Variants in RAD21L1 observed in about 807,000 individuals in gnomAD.
RAD21L1 encodes the protein double-strand-break repair protein rad21-like protein 1.
In RAD21L1, 47 loss-of-function variants were observed where a neutral mutation model predicts 69.0. The ratio of observed to expected loss-of-function variants is 0.68; its 90% CI spans 0.54 to 0.87. The LOEUF (loss-of-function observed/expected upper bound fraction) is 0.87. RAD21L1 is among the 40% of genes least tolerant of loss of function. RAD21L1 has a pLI of 0.00. For missense variants in RAD21L1, 583 were observed against 647.6 expected (o/e 0.90, Z 1.08); for synonymous variants, 177 against 205.8 (o/e 0.86, Z 1.20).
At position 1,228,586 on chromosome 20, in the gene RAD21L1, C is replaced by A. The variant is rs939074520; in HGVS notation, c.133C>A (p.Leu45Ile). ...TCTAGAGATAACCATTGAAAAAATT[C>A]TTTCACCCAAGGTATGTTACTGATT... ...CNLEITIEKI[L>I]SPKVKIALRT... The change falls in exon 2 of 14, where the codon CTT becomes ATT. Residue 45 changes from leucine (L) to isoleucine (I), a missense_variant. Leu to Ile is a conservative substitution (Grantham distance 5). Transcript: ENST00000683101. The A allele has an allele frequency of 1.7e-5, 26 of 1,540,962 alleles. No individual in the cohort carries two copies. In the East Asian group the frequency reaches 2.5e-4, roughly 15 times the overall value.
At chr20:1,245,216 CT>C (rs1425776228) in intron 11 of RAD21L1, among the ~76,000 whole-genome samples, 3 of 152,244 alleles carry the variant, frequency 2.0e-5, no homozygotes, top group East Asian at 1.9e-4. Flanking sequence ...TTCAATACTC[CT>C]CTTATTCTGC....
chr20:1,251,955 C>G (rs2087842642), intron 13 of RAD21L1, among the ~76,000 whole-genome samples: 1 of 152,270 alleles, frequency 6.6e-6, no homozygotes, highest in African/African-American at 2.4e-5. Context: ...ACCTTCACCA[C>G]AATCAAGGAG....
intron 8 of RAD21L1, 102 bp from the exon 9 acceptor site, chr20:1,242,517 G>A: frequency 2.3e-6 from 2 of 880,258 alleles, no homozygotes; most frequent in East Asian, 2.6e-5. Flanking sequence ...ACAGGCATGA[G>A]CCACCGTGCC....
chr20:1,234,067 C>G lies in RAD21L1; in HGVS notation c.369-18C>G. 1 of 1,205,534 alleles carries G rather than the reference C, an allele frequency of 8.3e-7. No individual in the cohort carries two copies. Among genetic ancestry groups the G allele is most frequent in the Middle Eastern group, 1.9e-4 (1 of 5,268 alleles). The allele number at this position is 1,205,534 out of a possible 1,614,324, so 74.7% of individuals were successfully genotyped here. On this transcript the variant is annotated intron_variant, in intron 4 of 13. Coordinates refer to ENST00000683101, the MANE Select transcript of RAD21L1 (RefSeq NM_001384355.1). ...TTTTCTGTTCTCATGTTTTTCTCAA[C>G]CTTCTATTTCTCCATAGTGCTATTG...
intron 5 of RAD21L1, 92 bp from the exon 6 acceptor site, chr20:1,237,952 G>T: frequency 1.6e-6 from 1 of 621,508 alleles, no homozygotes; most frequent in South Asian, 4.6e-5. Context: ...GGTGTTGGAT[G>T]ACAAGATTAT....
chr20:1,250,832 C>G (rs1352389436), intron 13 of RAD21L1, among the ~76,000 whole-genome samples: 5 of 152,060 alleles, frequency 3.3e-5, no homozygotes, highest in Admixed American at 2.6e-4. Context: ...TTTATAATAT[C>G]TCTTATCAAA....
In RAD21L1 at chr20:1,254,358, C is replaced by T. The variant is rs1433839797; in HGVS notation, c.1569C>T (p.Ser523=). 6.4e-7 allele frequency: 1 copy of T among 1,551,310 alleles called. No homozygotes were observed. The highest frequency in any genetic ancestry group is 1.2e-5 in the South Asian group (1 of 84,010). The change falls in exon 14 of 14, where the codon AGC becomes AGT. Residue 523 remains serine (S), a synonymous_variant. Transcript: ENST00000683101. ...AACAAGCAGCTGCCAAATTTTATAG[C>T]TTTCTTGTCCTAAAGAAACAGCTGG... is the stretch of plus-strand genomic sequence containing the variant. The part of the protein sequence containing the change: ...DRKQAAAKFY[S]FLVLKKQLAI...
chr20:1,239,803 G>A (rs1377933840), intron 7 of RAD21L1, among the ~76,000 whole-genome samples: 3 of 152,132 alleles, frequency 2.0e-5, no homozygotes, highest in African/African-American at 7.2e-5. Context: ...AGGTATTTTA[G>A]TCTGATTTTT....
Position 1,251,070 on chromosome 20 carries a change from C to T in RAD21L1, c.1479+2367C>T, listed in dbSNP as rs994954528. Among the ~76,000 whole-genome samples the T allele has an allele frequency of 3.9e-5, 6 of 152,126 alleles. No individual in the cohort carries two copies. The South Asian group carries it at 1.2e-3, about 32-fold the overall frequency. ...TCTTAAATTTTTTAGTGGTTAACAT[C>T]CTTTCATAATTTCCTGAGATAAAGA... On this transcript the variant is annotated intron_variant, in intron 13 of 13. Transcript: ENST00000683101.
chr20:1,241,019 C>T (rs2087596904), intron 8 of RAD21L1, among the ~76,000 whole-genome samples: 1 of 152,170 alleles, frequency 6.6e-6, no homozygotes, highest in Admixed American at 6.5e-5. Context: ...CTGGACAAAG[C>T]CAAGAACCCA....
chr20:1,231,360 T>C (rs926578457), intron 3 of RAD21L1, among the ~76,000 whole-genome samples, 166 bp from the exon 4 acceptor site: 1 of 152,242 alleles, frequency 6.6e-6, no homozygotes, highest in Non-Finnish European at 1.5e-5. Context: ...TTTTAAAATA[T>C]TACTCTGTCT....
Position 1,248,617 on chromosome 20 carries a change from T to C in RAD21L1, c.1402-9T>C. On this transcript the variant is annotated splice_polypyrimidine_tract_variant and intron_variant, in intron 12 of 13. Coordinates refer to ENST00000683101, the MANE Select transcript of RAD21L1 (RefSeq NM_001384355.1). ...CTTAAATTAAATATTTTATCTATCA[T>C]TCAAACAGGAGTCATTGAGCAATGA... The C allele has an allele frequency of 6.8e-7, 1 of 1,481,350 alleles. No individual in the cohort carries two copies. Among genetic ancestry groups the C allele is most frequent in the Non-Finnish European group, 9.1e-7 (1 of 1,093,450 alleles). The allele number at this position is 1,481,350 out of a possible 1,614,324, so 91.8% of individuals were successfully genotyped here.
chr20:1,244,233 T>C, intron 11 of RAD21L1, 63 bp downstream of exon 11: 1 of 1,122,986 alleles, frequency 8.9e-7, no homozygotes, highest in Non-Finnish European at 1.2e-6. Context: ...AAAGGAATGT[T>C]GGGACTCTGG....
chr20:1,233,959 A>G (rs530206769), intron 4 of RAD21L1, 126 bp from the exon 5 acceptor site: 6 of 551,980 alleles, frequency 1.1e-5, no homozygotes, highest in African/African-American at 7.6e-5. Context: ...ATAATAAACT[A>G]GTGTTTATAA....
chr20:1,239,275 C>T (rs1447758644), intron 6 of RAD21L1, 37 bp from the exon 7 acceptor site: 2 of 1,112,670 alleles, frequency 1.8e-6, no homozygotes, highest in Non-Finnish European at 2.6e-6. Flanking sequence ...TGACAGATTC[C>T]AGTCTGTATG....
intron 1 of RAD21L1, among the ~76,000 whole-genome samples, chr20:1,227,399 C>A (rs929703512): frequency 6.6e-6 from 1 of 152,232 alleles, no homozygotes; most frequent in Non-Finnish European, 1.5e-5. Flanking sequence ...ATTGCGTCAC[C>A]TTTAGTTGGG....
chr20:1,241,415 A>G (rs1256178602), intron 8 of RAD21L1, among the ~76,000 whole-genome samples: 2 of 152,256 alleles, frequency 1.3e-5, no homozygotes, highest in Non-Finnish European at 2.9e-5. Flanking sequence ...TATAACTAAT[A>G]TAACTAGGTC....
At chr20:1,238,894 G>T (rs2087551648) in intron 6 of RAD21L1, among the ~76,000 whole-genome samples, 1 of 152,110 alleles carries the variant, frequency 6.6e-6, no homozygotes, top group Admixed American at 6.5e-5. Flanking sequence ...CACCATCTTG[G>T]CTCAATGCAA....
chr20:1,249,723 G>C (rs530083800), intron 13 of RAD21L1, among the ~76,000 whole-genome samples: 1 of 152,280 alleles, frequency 6.6e-6, no homozygotes, highest in South Asian at 2.1e-4. Context: ...TATAGAAGAA[G>C]AGAATGGAAA....
Sources: gnomAD v4.1 joint callset for allele counts (sites outside exome capture counted in the v4.1 genomes callset) on GRCh38, gnomAD v4.1.1 for gene constraint, MANE v1.5 for transcripts, NCBI Gene and HGNC (gene_info 2026-07-23, HGNC 2026-07-21) for gene names.